The following CNTN5 variants were observed in gnomAD, a reference collection of about 807,000 sequenced individuals.
CNTN5 encodes the protein contactin-5.
A neutral mutation model predicts 129.1 loss-of-function variants in CNTN5; 77 were observed. That is an observed-to-expected ratio of 0.60 (90% CI 0.50 to 0.72). The LOEUF is 0.72. Ranked by LOEUF, CNTN5 falls within the 30% of genes least tolerant of loss-of-function variation. The pLI, the probability that CNTN5 is intolerant of heterozygous loss-of-function variation, is 0.00. For synonymous variants in CNTN5, 509 were observed against 465.6 expected, an observed-to-expected ratio of 1.09 and a Z score of -1.20; for missense variants, 1,478 against 1,328.8, an observed-to-expected ratio of 1.11 and a Z score of -1.75.
chr11:99,673,925 GT>G (rs1953159149), intron 3 of CNTN5, among the ~76,000 whole-genome samples: 1 of 152,086 alleles, frequency 6.6e-6, no homozygotes, highest in Non-Finnish European at 1.5e-5. Flanking sequence ...GCAATCATGT[GT>G]TTTTATATTA....
chr11:99,277,766 A>G (rs1193153469), intron 1 of CNTN5, among the ~76,000 whole-genome samples: 5 of 151,696 alleles, frequency 3.3e-5, no homozygotes, highest in African/African-American at 1.2e-4. Context: ...AACATGTATT[A>G]TAGTGACTTA....
intron 13 of CNTN5, among the ~76,000 whole-genome samples, chr11:100,130,634 G>A (rs1405125206): frequency 2.0e-5 from 3 of 152,018 alleles, no homozygotes; most frequent in Non-Finnish European, 4.4e-5. Context: ...GTACCCACAG[G>A]ATGCCATGGG....
At chr11:99,851,307 G>A (rs7110957) in intron 6 of CNTN5, among the ~76,000 whole-genome samples, 152,320 of 152,320 alleles carry the variant, frequency 1, 76,160 homozygotes, top group Non-Finnish European at 1. Flanking sequence ...AAACATAAGC[G>A]CAAAGCTGGA....
intron 1 of CNTN5, among the ~76,000 whole-genome samples, chr11:99,164,717 C>T (rs1860793849): frequency 6.6e-6 from 1 of 152,128 alleles, no homozygotes; most frequent in Non-Finnish European, 1.5e-5. Flanking sequence ...TAAAATAATA[C>T]ATGAAAATTG....
intron 9 of CNTN5, among the ~76,000 whole-genome samples, chr11:100,031,025 G>A (rs1471787597): frequency 6.6e-6 from 1 of 152,070 alleles, no homozygotes; most frequent in Non-Finnish European, 1.5e-5. Context: ...TAGTACCATT[G>A]CTCCCCTACA....
At chr11:99,867,506 G>A (rs1402848194) in intron 6 of CNTN5, among the ~76,000 whole-genome samples, 1 of 152,182 alleles carries the variant, frequency 6.6e-6, no homozygotes, top group Non-Finnish European at 1.5e-5. Flanking sequence ...GGAGGCTCCA[G>A]GAGAAAATCA....
intron 18 of CNTN5, among the ~76,000 whole-genome samples, chr11:100,272,764 G>A (rs1448133857): frequency 6.6e-6 from 1 of 152,086 alleles, no homozygotes; most frequent in Non-Finnish European, 1.5e-5. Flanking sequence ...AGCTCTGGGG[G>A]AATTGGTGAG....
At chr11:99,352,446 T>G (rs1183027083) in intron 2 of CNTN5, among the ~76,000 whole-genome samples, 1 of 152,160 alleles carries the variant, frequency 6.6e-6, no homozygotes, top group African/African-American at 2.4e-5. Flanking sequence ...ATTTACATAA[T>G]AGCAAACATA....
chr11:99,984,602 T>C (rs188059545), intron 8 of CNTN5, among the ~76,000 whole-genome samples: 1 of 152,274 alleles, frequency 6.6e-6, no homozygotes, highest in East Asian at 1.9e-4. Context: ...TAAATGTTTT[T>C]ATAAGATACA....
intron 1 of CNTN5, among the ~76,000 whole-genome samples, chr11:99,086,762 G>T (rs1227233796): frequency 6.6e-6 from 1 of 152,154 alleles, no homozygotes; most frequent in Admixed American, 6.5e-5. Flanking sequence ...CAACAATCAA[G>T]GTGGAGTCTA....
At chr11:99,308,529 T>C (rs1035935422) in intron 1 of CNTN5, among the ~76,000 whole-genome samples, 3 of 152,036 alleles carry the variant, frequency 2.0e-5, no homozygotes, top group Non-Finnish European at 4.4e-5. Flanking sequence ...ACTATAAAAT[T>C]GAACATAAAA....
At chr11:99,819,807 G>C in intron 4 of CNTN5, 42 bp downstream of exon 4, 1 of 667,862 alleles carries the variant, frequency 1.5e-6, no homozygotes, top group Non-Finnish European at 1.8e-6. Flanking sequence ...AATAAAGGAG[G>C]CAAAGAAGAC....
chr11:99,214,655 G>A (rs534243592), intron 1 of CNTN5, among the ~76,000 whole-genome samples: 1 of 152,020 alleles, frequency 6.6e-6, no homozygotes, highest in South Asian at 2.1e-4. Flanking sequence ...CTAGTAATTT[G>A]ATGGCTCTTA....
chr11:99,184,221 C>A (rs1379340024), intron 1 of CNTN5, among the ~76,000 whole-genome samples: 3 of 152,032 alleles, frequency 2.0e-5, no homozygotes, highest in African/African-American at 7.2e-5. Context: ...GATGTGAATA[C>A]TCTTCTTTGC....
chr11:99,174,090 C>T (rs1857661463), intron 1 of CNTN5, among the ~76,000 whole-genome samples: 3 of 152,192 alleles, frequency 2.0e-5, no homozygotes, highest in Admixed American at 1.3e-4. Context: ...TCACCGCCTC[C>T]CAGGTTCAAA....
At chr11:100,324,565 G>A (rs1002480852) in intron 21 of CNTN5, among the ~76,000 whole-genome samples, 1 of 152,058 alleles carries the variant, frequency 6.6e-6, no homozygotes, top group Admixed American at 6.5e-5. Flanking sequence ...AATGCTCTTA[G>A]AATTTTTTCT....
At chr11:100,168,964 TAGAGGAAGTTACTGC>T in intron 13 of CNTN5, among the ~76,000 whole-genome samples, 2 of 152,010 alleles carry the variant, frequency 1.3e-5, no homozygotes, top group South Asian at 4.1e-4. Context: ...AAGACTTCAG[TAGAGGAAGTTACTGC>T]AGATGTGTTA....
intron 7 of CNTN5, among the ~76,000 whole-genome samples, chr11:99,934,926 A>G (rs866969120): frequency 0.16 from 11,222 of 69,902 alleles, 1,041 homozygotes; most frequent in Non-Finnish European, 0.19. Context: ...ATATATATAT[A>G]TATATATATA....
At chr11:100,157,954 T>G (rs1182720774) in intron 13 of CNTN5, among the ~76,000 whole-genome samples, 9 of 151,758 alleles carry the variant, frequency 5.9e-5, no homozygotes, top group Non-Finnish European at 1.2e-4. Context: ...AAACATAAAA[T>G]TTTTAAACAT....
Sources: allele counts gnomAD v4.1 joint callset (sites outside exome capture counted in the v4.1 genomes callset), GRCh38; gene constraint gnomAD v4.1.1; transcripts MANE v1.5; gene names NCBI Gene and HGNC (gene_info 2026-07-23, HGNC 2026-07-21).